HERC3: variants seen among roughly 807,000 people sequenced by gnomAD.
The protein encoded by HERC3 is probable E3 ubiquitin-protein ligase HERC3.
A neutral mutation model predicts 129.9 loss-of-function variants in HERC3; 58 were observed. That is an observed-to-expected ratio of 0.45 (90% CI 0.36 to 0.56). The LOEUF (loss-of-function observed/expected upper bound fraction) is 0.56. Among genes scored for constraint, HERC3 ranks in the 20% least tolerant of loss-of-function variants. The pLI is 0.00. For missense variants in HERC3, 835 were observed against 1,244.2 expected, an observed-to-expected ratio of 0.67 and a Z score of 4.95; for synonymous variants, 430 against 451.0, an observed-to-expected ratio of 0.95 and a Z score of 0.59.
chr4:88,606,490 G>A (rs1362682269), intron 3 of HERC3, among the ~76,000 whole-genome samples: 1 of 152,034 alleles, frequency 6.6e-6, no homozygotes, highest in Non-Finnish European at 1.5e-5. Flanking sequence ...TTAGTTCAGA[G>A]TTAGAATAAA....
chr4:88,537,349 T>A, the HERC3 span, among the ~76,000 whole-genome samples: 17 of 152,202 alleles, frequency 1.1e-4, no homozygotes, highest in Non-Finnish European at 2.4e-4. Context: ...TTTTGAGGCA[T>A]TATGGGAAGT....
intron 11 of HERC3, among the ~76,000 whole-genome samples, 164 bp from the exon 12 acceptor site, chr4:88,663,989 C>T (rs980456311): frequency 1.3e-4 from 20 of 152,096 alleles, no homozygotes; most frequent in African/African-American, 4.8e-4. Context: ...TGAGATGTGA[C>T]ATCCTGTTTT....
intron 2 of HERC3, among the ~76,000 whole-genome samples, chr4:88,596,855 T>A (rs1056246515): frequency 1.3e-5 from 2 of 152,244 alleles, no homozygotes; most frequent in Non-Finnish European, 2.9e-5. Context: ...CTTTTCTTCA[T>A]AGCTTTGTTA....
chr4:88,552,492 A>G, the HERC3 span, among the ~76,000 whole-genome samples: 1 of 152,118 alleles, frequency 6.6e-6, no homozygotes, highest in South Asian at 2.1e-4. Flanking sequence ...ACCTCAAGTG[A>G]TCTACCTATC....
the HERC3 span, among the ~76,000 whole-genome samples, chr4:88,543,400 G>A: frequency 6.6e-6 from 1 of 152,100 alleles, no homozygotes; most frequent in Admixed American, 6.6e-5. Flanking sequence ...CCTCTTCAAG[G>A]AGAACTACAA....
At chr4:88,542,600 A>T in the HERC3 span, among the ~76,000 whole-genome samples, 3 of 152,246 alleles carry the variant, frequency 2.0e-5, no homozygotes, top group Non-Finnish European at 2.9e-5. Flanking sequence ...GGCCAGCATC[A>T]TCCTGATACC....
At chr4:88,537,182 A>G in the HERC3 span, among the ~76,000 whole-genome samples, 2 of 152,152 alleles carry the variant, frequency 1.3e-5, no homozygotes, top group African/African-American at 2.4e-5. Context: ...AAATTTCACC[A>G]TTTGTTCCCT....
rs375255464 is a variant in HERC3, at chr4:88,658,535, G to A, written c.1146+44G>A. The A allele has an allele frequency of 1.1e-4, 107 of 981,890 alleles. No individual in the cohort carries two copies. In the African/African-American group the frequency reaches 1.6e-3, roughly 14 times the overall value. 60.8% of individuals were successfully genotyped at this position (981,890 alleles called of 1,614,324 possible). ...CTCTTATTTCCAGGAAGGAATAATA[G>A]TGAACCAACATTTCTTTTAACAAGT... On this transcript the variant is annotated intron_variant, in intron 10 of 25. Transcript: ENST00000402738.
chr4:88,536,818 T>G, the HERC3 span, among the ~76,000 whole-genome samples: 2 of 152,162 alleles, frequency 1.3e-5, no homozygotes, highest in Non-Finnish European at 2.9e-5. Flanking sequence ...CCAATCTGAT[T>G]ATAATTTTGA....
chr4:88,637,610 A>G (rs529344488), intron 3 of HERC3, among the ~76,000 whole-genome samples: 1 of 152,370 alleles, frequency 6.6e-6, no homozygotes, highest in Admixed American at 6.5e-5. Context: ...GTTAAGAGGG[A>G]AATTTATAGC....
chr4:88,543,539 C>A, the HERC3 span, among the ~76,000 whole-genome samples: 1 of 151,988 alleles, frequency 6.6e-6, no homozygotes, highest in South Asian at 2.1e-4. Context: ...AATGCCATCC[C>A]CATCAAGCTA....
the HERC3 span, among the ~76,000 whole-genome samples, chr4:88,552,191 G>A: frequency 2.6e-5 from 4 of 151,446 alleles, no homozygotes; most frequent in Non-Finnish European, 4.4e-5. Flanking sequence ...GCTAAATGAC[G>A]AGTTAATGGG....
intron 23 of HERC3, chr4:88,696,412 G>A (rs932128024): frequency 3.9e-5 from 6 of 152,490 alleles, no homozygotes; most frequent in African/African-American, 9.7e-5. Context: ...TTTCTAAAAC[G>A]CTAGGTAAAG....
chr4:88,681,968 T>C (rs1215929517), intron 21 of HERC3, among the ~76,000 whole-genome samples: 1 of 152,220 alleles, frequency 6.6e-6, no homozygotes, highest in Non-Finnish European at 1.5e-5. Flanking sequence ...AATACTATAA[T>C]TTTGATTGGC....
At chr4:88,635,184 G>A (rs1427551795) in intron 3 of HERC3, among the ~76,000 whole-genome samples, 1 of 152,082 alleles carries the variant, frequency 6.6e-6, no homozygotes, top group East Asian at 1.9e-4. Context: ...GCTTCAGAAG[G>A]TGGGTAACAA....
the HERC3 span, among the ~76,000 whole-genome samples, chr4:88,569,271 C>G: frequency 3.5e-4 from 54 of 152,312 alleles, no homozygotes; most frequent in African/African-American, 1.3e-3. Context: ...GAAAGTCCCA[C>G]AATCCCGGCA....
intron 3 of HERC3, among the ~76,000 whole-genome samples, chr4:88,630,532 C>T (rs757370139): frequency 2.0e-5 from 3 of 152,034 alleles, no homozygotes; most frequent in Non-Finnish European, 4.4e-5. Flanking sequence ...CCAAGCAGGC[C>T]GTGGTTGTAT....
At chr4:88,569,145 C>T in the HERC3 span, among the ~76,000 whole-genome samples, 1 of 152,210 alleles carries the variant, frequency 6.6e-6, no homozygotes, top group Non-Finnish European at 1.5e-5. Context: ...GTTCTGACCA[C>T]TGGGATGGAC....
chr4:88,678,661 G>C (rs74511064), intron 19 of HERC3, among the ~76,000 whole-genome samples: 2 of 152,258 alleles, frequency 1.3e-5, no homozygotes, highest in South Asian at 4.2e-4. Context: ...TACACAGTAG[G>C]TATTCCAGAA....
Sources: gnomAD v4.1 joint callset for allele counts (sites outside exome capture counted in the v4.1 genomes callset) on GRCh38, gnomAD v4.1.1 for gene constraint, MANE v1.5 for transcripts, NCBI Gene and HGNC (gene_info 2026-07-23, HGNC 2026-07-21) for gene names.